Variants in FBN2 observed in about 807,000 individuals in gnomAD.
The protein encoded by FBN2 is fibrillin 2, also known as fibrillin-2.
A neutral mutation model predicts 355.6 loss-of-function variants in FBN2; 105 were observed. The observed-to-expected ratio is 0.30, with a 90% confidence interval of 0.25 to 0.35. The LOEUF (loss-of-function observed/expected upper bound fraction) is 0.35. FBN2 is among the 10% of genes least tolerant of loss of function. The probability of loss-of-function intolerance (pLI) is 1.00; values close to 1 mark genes in which losing one functional copy is unlikely to be tolerated. For synonymous variants in FBN2, 1,350 were observed against 1,301.2 expected (o/e 1.04, Z -0.81); for missense variants, 3,280 against 3,758.7 (o/e 0.87, Z 3.33).
At chr5:128,261,993 C>G in intron 63 of FBN2, 86 bp from the exon 64 acceptor site, 5 of 1,032,118 alleles carry the variant, frequency 4.8e-6, no homozygotes, top group Non-Finnish European at 7.7e-6. Flanking sequence ...TTCAGAAACA[C>G]GAAACCAACA....
intron 8 of FBN2, among the ~76,000 whole-genome samples, chr5:128,404,790 G>T (rs1198553855): frequency 6.6e-6 from 1 of 152,192 alleles, no homozygotes; most frequent in Non-Finnish European, 1.5e-5. Context: ...TGAAGCAAAT[G>T]AAAACATATT....
chr5:128,477,694 C>T (rs977774342), intron 5 of FBN2, among the ~76,000 whole-genome samples: 1 of 152,160 alleles, frequency 6.6e-6, no homozygotes, highest in African/African-American at 2.4e-5. Context: ...CAAAGTCACA[C>T]TGATGATGCA....
intron 5 of FBN2, among the ~76,000 whole-genome samples, chr5:128,516,077 C>G (rs1002842561): frequency 6.6e-6 from 1 of 152,142 alleles, no homozygotes; most frequent in Non-Finnish European, 1.5e-5. Context: ...CAAGTAATCA[C>G]CTATTTGGTT....
chr5:128,524,922 C>T (rs1452063333), intron 4 of FBN2, among the ~76,000 whole-genome samples: 5 of 152,092 alleles, frequency 3.3e-5, no homozygotes, highest in Admixed American at 1.3e-4. Context: ...TTTCCTCTGA[C>T]TGGAAAATGT....
chr5:128,535,926 T>C (rs1008208739), intron 2 of FBN2, among the ~76,000 whole-genome samples: 1 of 152,094 alleles, frequency 6.6e-6, no homozygotes, highest in African/African-American at 2.4e-5. Context: ...ATCTAGGTTA[T>C]GTGGTTGTTG....
At chr5:128,267,714 A>G (rs1765153075) in intron 62 of FBN2, among the ~76,000 whole-genome samples, 2 of 152,064 alleles carry the variant, frequency 1.3e-5, no homozygotes, top group South Asian at 4.1e-4. Flanking sequence ...CAGATTCTGG[A>G]TATTAGACCT....
chr5:128,332,852 C>T (rs1750729311), intron 32 of FBN2, 60 bp downstream of exon 32: 11 of 1,545,622 alleles, frequency 7.1e-6, no homozygotes, highest in Admixed American at 5.0e-5. Context: ...TACAACCATG[C>T]AAAAAAGAGC....
intron 14 of FBN2, among the ~76,000 whole-genome samples, chr5:128,376,219 T>C (rs1356989826): frequency 1.3e-5 from 2 of 152,174 alleles, no homozygotes; most frequent in African/African-American, 4.8e-5. Flanking sequence ...CAAAATGGCT[T>C]TGTAAACAAA....
At chr5:128,382,532 A>G (rs1581253819) in intron 11 of FBN2, among the ~76,000 whole-genome samples, 2 of 151,928 alleles carry the variant, frequency 1.3e-5, no homozygotes, top group South Asian at 2.1e-4. Context: ...CTGTAACTCT[A>G]CCCCGGACAT....
At chr5:128,330,145 A>G (rs564100557) in intron 33 of FBN2, among the ~76,000 whole-genome samples, 39 of 152,370 alleles carry the variant, frequency 2.6e-4, no homozygotes, top group Non-Finnish European at 5.1e-4. Flanking sequence ...TTTAGGAATA[A>G]AAAAGAAGAA....
chr5:128,437,783 TAGATA>T (rs1411767494), intron 7 of FBN2, among the ~76,000 whole-genome samples: 2 of 86,956 alleles, frequency 2.3e-5, no homozygotes, highest in Admixed American at 2.1e-4. Context: ...TATAGATAGA[TAGATA>T]GATAGATAGA....
intron 4 of FBN2, among the ~76,000 whole-genome samples, chr5:128,521,725 C>T (rs193156834): frequency 6.6e-6 from 1 of 152,256 alleles, no homozygotes; most frequent in East Asian, 1.9e-4. Context: ...GAAAAGCTGT[C>T]CACACTGACT....
chr5:128,350,082 T>C, intron 21 of FBN2, 77 bp from the exon 22 acceptor site: 1 of 1,244,350 alleles, frequency 8.0e-7, no homozygotes, highest in Non-Finnish European at 1.2e-6. Context: ...AGAAGTATAA[T>C]GAAATCTAAA....
intron 38 of FBN2, 64 bp from the exon 39 acceptor site, chr5:128,311,489 G>A (rs1750055507): frequency 6.4e-7 from 1 of 1,562,662 alleles, no homozygotes; most frequent in Non-Finnish European, 8.8e-7. Flanking sequence ...GTTAATATTA[G>A]AGCTTTCAAA....
intron 7 of FBN2, among the ~76,000 whole-genome samples, chr5:128,431,898 C>T (rs963694509): frequency 1.2e-4 from 18 of 152,160 alleles, no homozygotes; most frequent in Middle Eastern, 3.4e-3. Context: ...GAGAATGGCA[C>T]GCATTAAAAC....
chr5:128,525,963 A>G (rs905522289), intron 4 of FBN2, among the ~76,000 whole-genome samples: 4 of 152,192 alleles, frequency 2.6e-5, no homozygotes, highest in Admixed American at 2.0e-4. Flanking sequence ...GGCAGAGTTG[A>G]GTATTTGCAA....
Position 128,311,816 on chromosome 5 carries a change from T to G in FBN2, c.4948+69A>C, listed in dbSNP as rs1750065591. 5.0e-6 allele frequency: 6 copies of G among 1,199,762 alleles called. 1 individual carries two copies. The South Asian group carries it at 6.1e-5, about 12-fold the overall frequency. The allele number at this position is 1,199,762 out of a possible 1,614,324, so 74.3% of individuals were successfully genotyped here. A position where few individuals can be genotyped will look rare whatever the true frequency, so the allele number is the denominator to read the frequency against. ...GTCGGGGCTGCTCTGCCCTAGGTTT[T>G]CTGCCAGCTTTTCTCTATAATTAAC... On this transcript the variant is annotated intron_variant, in intron 38 of 64. Coordinates refer to ENST00000262464, the MANE Select transcript of FBN2 (RefSeq NM_001999.4).
At chr5:128,347,505 G>A (rs1250579850) in intron 23 of FBN2, among the ~76,000 whole-genome samples, 2 of 152,166 alleles carry the variant, frequency 1.3e-5, no homozygotes, top group African/African-American at 4.8e-5. Flanking sequence ...AGTCCCCACT[G>A]CTCCCTGTTG....
intron 8 of FBN2, among the ~76,000 whole-genome samples, chr5:128,402,473 A>ATT (rs1316470143): frequency 1.3e-5 from 2 of 152,154 alleles, no homozygotes; most frequent in Non-Finnish European, 2.9e-5. Flanking sequence ...ATATAAATCT[A>ATT]TTTTGAAACG....
Sources: allele counts gnomAD v4.1 joint callset (sites outside exome capture counted in the v4.1 genomes callset), GRCh38; gene constraint gnomAD v4.1.1; transcripts MANE v1.5; gene names NCBI Gene and HGNC (gene_info 2026-07-23, HGNC 2026-07-21).